CCDC7: variants seen among roughly 807,000 people sequenced by gnomAD.
CCDC7 encodes the protein coiled-coil domain containing 7, also known as coiled-coil domain-containing protein 7.
Under a neutral mutation model 196.9 loss-of-function variants are expected in CCDC7, and 183 were observed. The ratio of observed to expected loss-of-function variants is 0.93; its 90% CI spans 0.82 to 1.05. CCDC7 has a LOEUF of 1.05. Ranked by LOEUF, CCDC7 falls within the 50% of genes least tolerant of loss-of-function variation. The probability of loss-of-function intolerance (pLI) is 0.00; values close to 1 mark genes in which losing one functional copy is unlikely to be tolerated. For missense variants in CCDC7, 1,540 were observed against 1,482.2 expected (o/e 1.04, Z -0.64); for synonymous variants, 525 against 484.6 (o/e 1.08, Z -1.10).
intron 27 of CCDC7, 90 bp from the exon 29 acceptor site, chr10:32,729,242 A>G: frequency 7.8e-7 from 1 of 1,285,128 alleles, no homozygotes. Flanking sequence ...TATTCACATG[A>G]TTTTCTCATT....
At chr10:32,573,741 A>G (rs1410662479) in intron 16 of CCDC7, among the ~76,000 whole-genome samples, 1 of 152,198 alleles carries the variant, frequency 6.6e-6, no homozygotes, top group South Asian at 2.1e-4. Flanking sequence ...CCCCCTAGAA[A>G]TGTTGATTGA....
At chr10:32,677,271 C>G (rs1183502748) in intron 21 of CCDC7, among the ~76,000 whole-genome samples, 1 of 150,740 alleles carries the variant, frequency 6.6e-6, no homozygotes, top group Non-Finnish European at 1.5e-5. Context: ...TGCTAAATGA[C>G]GAGTTAATGG....
At chr10:32,471,313 G>T (rs573753567) in intron 6 of CCDC7, 83 bp downstream of exon 7, 2 of 1,477,188 alleles carry the variant, frequency 1.4e-6, no homozygotes, top group African/African-American at 1.4e-5. Context: ...TAATGGGTCA[G>T]ATATGATGGC....
chr10:32,829,576 C>A (rs1043636308), intron 32 of CCDC7, among the ~76,000 whole-genome samples: 1 of 151,968 alleles, frequency 6.6e-6, no homozygotes. Flanking sequence ...GGGATTTGTG[C>A]GTTTCTGGTT....
At chr10:32,665,427 A>G (rs767941876) in intron 21 of CCDC7, among the ~76,000 whole-genome samples, 6 of 151,980 alleles carry the variant, frequency 3.9e-5, no homozygotes, top group Admixed American at 2.0e-4. Context: ...TCTTCTAGCA[A>G]TTCTAGTTTC....
chr10:32,778,768 C>T (rs567952015), intron 28 of CCDC7, among the ~76,000 whole-genome samples: 57 of 152,272 alleles, frequency 3.7e-4, no homozygotes, highest in Admixed American at 1.6e-3. Context: ...TTGCTTTGGG[C>T]AGTATGGCCA....
chr10:32,677,369 A>T (rs61857798), intron 21 of CCDC7, among the ~76,000 whole-genome samples: 1 of 140,916 alleles, frequency 7.1e-6, no homozygotes, highest in African/African-American at 2.7e-5. Context: ...GTATAATAAT[A>T]ATAAAAAAAA....
At chr10:32,561,181 C>T (rs146554867) in intron 13 of CCDC7, among the ~76,000 whole-genome samples, 5,893 of 152,216 alleles carry the variant, frequency 0.039, 121 homozygotes, top group Middle Eastern at 0.051. Context: ...CCTGAGTGAC[C>T]TAGAAAGAGA....
intron 33 of CCDC7, among the ~76,000 whole-genome samples, chr10:32,842,228 T>C (rs769390890): frequency 4.0e-5 from 6 of 151,346 alleles, no homozygotes; most frequent in Non-Finnish European, 8.8e-5. Flanking sequence ...ATCCAGAATC[T>C]ACAAAGAACT....
intron 16 of CCDC7, among the ~76,000 whole-genome samples, chr10:32,575,345 C>T (rs1228503434): frequency 6.6e-6 from 1 of 152,118 alleles, no homozygotes; most frequent in Non-Finnish European, 1.5e-5. Context: ...ACACAAGGGG[C>T]ATATTACTAG....
intron 7 of CCDC7, 38 bp from the exon 9 acceptor site, chr10:32,473,929 G>A (rs763815598): frequency 1.3e-5 from 21 of 1,565,820 alleles, no homozygotes; most frequent in South Asian, 8.5e-5. Context: ...TATAATTGCC[G>A]TTTGAAGTTT....
intron 20 of CCDC7, among the ~76,000 whole-genome samples, chr10:32,641,815 A>T (rs962017529): frequency 2.6e-5 from 4 of 152,068 alleles, no homozygotes; most frequent in Non-Finnish European, 4.4e-5. Context: ...GATGGTGACG[A>T]ACAGATGGGG....
chr10:32,470,432 A>C (rs897088624), intron 5 of CCDC7, among the ~76,000 whole-genome samples: 1 of 152,066 alleles, frequency 6.6e-6, no homozygotes, highest in Non-Finnish European at 1.5e-5. Flanking sequence ...GTTTTTGGAC[A>C]CTCATTCTTG....
chr10:32,728,035 C>G (rs1484846628), intron 26 of CCDC7, among the ~76,000 whole-genome samples: 1 of 152,086 alleles, frequency 6.6e-6, no homozygotes, highest in Non-Finnish European at 1.5e-5. Flanking sequence ...CGATCAGAGC[C>G]CAAGCAATCA....
At chr10:32,807,710 C>G (rs1413543671) in intron 30 of CCDC7, among the ~76,000 whole-genome samples, 1 of 151,778 alleles carries the variant, frequency 6.6e-6, no homozygotes, top group South Asian at 2.1e-4. Flanking sequence ...GGAGAGCCAC[C>G]CTTACAGGCC....
intron 41 of CCDC7, among the ~76,000 whole-genome samples, chr10:32,858,344 A>T (rs2093837342): frequency 6.6e-6 from 1 of 152,192 alleles, no homozygotes; most frequent in South Asian, 2.1e-4. Flanking sequence ...ACCATAGGAG[A>T]AGAAAACTAC....
chr10:32,777,202 G>T (rs563059159), intron 28 of CCDC7, among the ~76,000 whole-genome samples: 1 of 152,156 alleles, frequency 6.6e-6, no homozygotes. Flanking sequence ...TGCTGCAAAA[G>T]ACATGATTTT....
chr10:32,835,371 T>C (rs2092520269), intron 33 of CCDC7, among the ~76,000 whole-genome samples: 3 of 152,042 alleles, frequency 2.0e-5, no homozygotes. Context: ...TCTGGTTGAA[T>C]TGAACCTTTA....
chr10:32,822,163 G>A (rs2090356982), intron 31 of CCDC7, among the ~76,000 whole-genome samples: 1 of 152,138 alleles, frequency 6.6e-6, no homozygotes, highest in Non-Finnish European at 1.5e-5. Context: ...GCTGACCTCT[G>A]ACAGTAATTT....
Sources: gnomAD v4.1 joint callset for allele counts (sites outside exome capture counted in the v4.1 genomes callset) on GRCh38, gnomAD v4.1.1 for gene constraint, MANE v1.5 for transcripts, NCBI Gene and HGNC (gene_info 2026-07-23, HGNC 2026-07-21) for gene names.